Variants in ZRANB3 observed in about 807,000 individuals in gnomAD.
The protein encoded by ZRANB3 is zinc finger RANBP2-type containing 3.
ZRANB3 carries 125 observed loss-of-function variants against 133.8 expected under a neutral mutation model. The ratio of observed to expected loss-of-function variants is 0.93; its 90% CI spans 0.81 to 1.08. The LOEUF (loss-of-function observed/expected upper bound fraction) is 1.08. ZRANB3 is among the 50% of genes least tolerant of loss of function. The pLI, the probability that ZRANB3 is intolerant of heterozygous loss-of-function variation, is 0.00. For missense variants in ZRANB3, 1,229 were observed against 1,275.5 expected (o/e 0.96, Z 0.56); for synonymous variants, 387 against 432.7 (o/e 0.89, Z 1.31).
In ZRANB3 at chr2:135,289,417, G is replaced by A. The variant is rs1370398405; in HGVS notation, c.967-13662C>T. On this transcript the variant is annotated intron_variant, in intron 8 of 20. Transcript: ENST00000264159. ...ATTATAGGTGCCTGCCACTGCGCAC[G>A]GCTAATTTTTGCAGTTTTAGTAGCG... Among the ~76,000 whole-genome samples the A allele has an allele frequency of 6.6e-5, 10 of 151,982 alleles. No individual in the cohort carries two copies. In the East Asian group the frequency reaches 9.7e-4, roughly 15 times the overall value.
chr2:135,391,964 A>G (rs933086105), intron 2 of ZRANB3, among the ~76,000 whole-genome samples: 1 of 152,126 alleles, frequency 6.6e-6, no homozygotes, highest in African/African-American at 2.4e-5. Flanking sequence ...CTATGCAATG[A>G]TAATTGAGGA....
Position 135,483,784 on chromosome 2 carries a change from T to C in ZRANB3, c.161+20545A>G, listed in dbSNP as rs529221901. Among the ~76,000 whole-genome samples the C allele has an allele frequency of 5.9e-5, 9 of 152,344 alleles. No homozygotes were observed. In the South Asian group the frequency reaches 1.9e-3, roughly 32 times the overall value. Reference sequence around the variant, plus strand: ...ATTTCCCTCTACACACTGCTTTGAATGCGTCCCAGAGATTCTGGTGTGTTG... The same window carrying C: ...ATTTCCCTCTACACACTGCTTTGAACGCGTCCCAGAGATTCTGGTGTGTTG... On this transcript the variant is annotated intron_variant, in intron 2 of 20. Coordinates refer to ENST00000264159, the MANE Select transcript of ZRANB3 (RefSeq NM_032143.4).
chr2:135,417,645 T>G (rs1305897256), intron 2 of ZRANB3, among the ~76,000 whole-genome samples: 5 of 152,192 alleles, frequency 3.3e-5, no homozygotes, highest in Non-Finnish European at 7.3e-5. Flanking sequence ...CATGCTGCTA[T>G]AAAGACACAT....
intron 12 of ZRANB3, among the ~76,000 whole-genome samples, chr2:135,240,307 G>A (rs1022194946): frequency 6.6e-6 from 1 of 152,154 alleles, no homozygotes; most frequent in Admixed American, 6.5e-5. Flanking sequence ...GCAAGACCCT[G>A]TCTCTTAAAA....
intron 12 of ZRANB3, among the ~76,000 whole-genome samples, chr2:135,247,542 T>A (rs1488557723): frequency 6.6e-6 from 1 of 152,092 alleles, no homozygotes; most frequent in Non-Finnish European, 1.5e-5. Flanking sequence ...GAAAACGTTA[T>A]TACTTATTAT....
chr2:135,203,617 A>C (rs370429143), intron 19 of ZRANB3, among the ~76,000 whole-genome samples: 5 of 151,256 alleles, frequency 3.3e-5, no homozygotes, highest in Non-Finnish European at 7.4e-5. Flanking sequence ...GGTCTCAAAA[A>C]AAAAAAAAAA....
chr2:135,237,581 C>T (rs1156642330), intron 12 of ZRANB3, among the ~76,000 whole-genome samples: 3 of 151,476 alleles, frequency 2.0e-5, no homozygotes, highest in African/African-American at 7.3e-5. Flanking sequence ...GAAAATGTGG[C>T]ACATATACAC....
At chr2:135,514,363 T>C (rs1693608594) in intron 1 of ZRANB3, among the ~76,000 whole-genome samples, 1 of 152,198 alleles carries the variant, frequency 6.6e-6, no homozygotes, top group African/African-American at 2.4e-5. Context: ...TCACCTCCAT[T>C]GTAAGTTGTA....
At chr2:135,472,275 C>T (rs1389665621) in intron 2 of ZRANB3, among the ~76,000 whole-genome samples, 2 of 152,042 alleles carry the variant, frequency 1.3e-5, no homozygotes, top group Non-Finnish European at 2.9e-5. Context: ...CCGAGGCAGG[C>T]AGATCACAAG....
At chr2:135,235,378 T>C (rs1473904274) in intron 12 of ZRANB3, among the ~76,000 whole-genome samples, 4 of 152,186 alleles carry the variant, frequency 2.6e-5, no homozygotes, top group Non-Finnish European at 5.9e-5. Flanking sequence ...GCTGGTACCA[T>C]TCCTTCTGAA....
intron 2 of ZRANB3, among the ~76,000 whole-genome samples, chr2:135,460,598 C>T (rs1690722242): frequency 6.6e-6 from 1 of 151,922 alleles, no homozygotes; most frequent in Admixed American, 6.6e-5. Context: ...TGAAAATTTC[C>T]ACTCATCCAG....
intron 6 of ZRANB3, among the ~76,000 whole-genome samples, chr2:135,324,950 A>G (rs1238631175): frequency 6.6e-6 from 1 of 151,888 alleles, no homozygotes; most frequent in Non-Finnish European, 1.5e-5. Context: ...AAATTTGTTT[A>G]AAATGTAATA....
At chr2:135,253,973 A>G (rs1232257252) in intron 12 of ZRANB3, among the ~76,000 whole-genome samples, 1 of 152,178 alleles carries the variant, frequency 6.6e-6, no homozygotes, top group Non-Finnish European at 1.5e-5. Context: ...ATGACACTAC[A>G]TACTTCCAGA....
At chr2:135,511,689 T>A (rs1483820376) in intron 1 of ZRANB3, 1 of 767,056 alleles carries the variant, frequency 1.3e-6, no homozygotes, top group Non-Finnish European at 2.4e-6. Context: ...CATCATTTAG[T>A]GTGGCATAAG....
chr2:135,393,064 C>T (rs1334419243), intron 2 of ZRANB3, among the ~76,000 whole-genome samples: 8 of 151,942 alleles, frequency 5.3e-5, no homozygotes, highest in Admixed American at 5.2e-4. Context: ...GACAGGGTTT[C>T]ACTATGTTGT....
chr2:135,402,736 C>T (rs2104941176), intron 2 of ZRANB3, among the ~76,000 whole-genome samples: 1 of 152,190 alleles, frequency 6.6e-6, no homozygotes, highest in African/African-American at 2.4e-5. Context: ...CAGGTGCGGG[C>T]CACCACGTCC....
intron 2 of ZRANB3, among the ~76,000 whole-genome samples, chr2:135,454,136 A>G (rs1164493033): frequency 6.6e-6 from 1 of 152,218 alleles, no homozygotes; most frequent in Non-Finnish European, 1.5e-5. Flanking sequence ...TCACGAGAAT[A>G]GCATGGGAAA....
chr2:135,473,442 T>C (rs1691364946), intron 2 of ZRANB3, among the ~76,000 whole-genome samples: 1 of 152,060 alleles, frequency 6.6e-6, no homozygotes, highest in Admixed American at 6.6e-5. Flanking sequence ...GGAAAACTAC[T>C]ACCATTGCCC....
chr2:135,220,128 C>T (rs1694478499), intron 15 of ZRANB3, among the ~76,000 whole-genome samples: 1 of 152,026 alleles, frequency 6.6e-6, no homozygotes, highest in Non-Finnish European at 1.5e-5. Context: ...CCACCTTGAA[C>T]TCCTGGGCTC....
Sources: gnomAD v4.1 joint callset for allele counts (sites outside exome capture counted in the v4.1 genomes callset) on GRCh38, gnomAD v4.1.1 for gene constraint, MANE v1.5 for transcripts, NCBI Gene and HGNC (gene_info 2026-07-23, HGNC 2026-07-21) for gene names.